STK3: variants seen among roughly 807,000 people sequenced by gnomAD.
STK3 encodes serine/threonine-protein kinase 3.
STK3 carries 41 observed loss-of-function variants against 58.0 expected under a neutral mutation model. The observed-to-expected ratio is 0.71, with a 90% CI of 0.55 to 0.92. STK3 has a LOEUF of 0.92. Ranked by LOEUF, STK3 falls within the 40% of genes least tolerant of loss-of-function variation. The pLI, the probability that STK3 is intolerant of heterozygous loss-of-function variation, is 0.00. For missense variants in STK3, 479 were observed against 602.7 expected (o/e 0.79, Z 2.15); for synonymous variants, 170 against 191.0 (o/e 0.89, Z 0.91).
downstream of STK3, among the ~76,000 whole-genome samples, chr8:98,368,232 G>C (rs950480793): frequency 3.3e-5 from 5 of 152,206 alleles, no homozygotes; most frequent in Non-Finnish European, 5.9e-5. Flanking sequence ...ATCTTCCTTT[G>C]CTGGGATCTG....
chr8:98,800,533 C>A lies in STK3; in HGVS notation c.26+24982G>T, dbSNP rs1469141348. 6.6e-6 allele frequency among the ~76,000 whole-genome samples: 1 copy of A among 152,236 alleles called. No individual in the cohort carries two copies. The highest frequency in any genetic ancestry group is 1.5e-5 in the Non-Finnish European group (1 of 68,036). On this transcript the variant is annotated intron_variant, in intron 1 of 10. Transcript: ENST00000419617. This position sits in a 1 kb window ranked among gnomAD's most constrained non-coding sequence, Gnocchi z 4.8. The stretch of plus-strand genomic sequence containing the variant: ...CTGCCGCTGCACTGTGGGAGCCCCT[C>A]TCTGGGCTGGCCAAGGCCGGAGCCG...
At chr8:98,543,767 AAC>A in intron 9 of STK3, among the ~76,000 whole-genome samples, 1 of 152,206 alleles carries the variant, frequency 6.6e-6, no homozygotes. Context: ...TGAACAGAGA[AAC>A]ACAGGCCTCC....
intron 10 of STK3, among the ~76,000 whole-genome samples, chr8:98,524,732 C>G (rs1215594450): frequency 6.6e-6 from 1 of 152,212 alleles, no homozygotes; most frequent in Non-Finnish European, 1.5e-5. Flanking sequence ...ATCATATGAC[C>G]TAGCCAATAG....
chr8:98,592,126 T>C (rs1287362275), intron 7 of STK3, among the ~76,000 whole-genome samples: 2 of 152,226 alleles, frequency 1.3e-5, no homozygotes, highest in Non-Finnish European at 2.9e-5. Flanking sequence ...CATTCTTTTC[T>C]TACATTCTCT....
chr8:98,398,152 C>T (rs781626213), downstream of STK3, among the ~76,000 whole-genome samples: 5 of 152,186 alleles, frequency 3.3e-5, no homozygotes, highest in Non-Finnish European at 7.3e-5. Flanking sequence ...CATCACGTGT[C>T]TGGGAAACTG....
chr8:98,482,201 A>G lies in STK3; in HGVS notation c.1318-26201T>C, dbSNP rs114473778. Among the ~76,000 whole-genome samples the G allele has an allele frequency of 6.4e-3, 982 of 152,358 alleles. 13 individuals carry two copies. The highest frequency in any genetic ancestry group is 0.022 in the African/African-American group (906 of 41,590). ...GCAAGTCTTGAAGATAAAACAATAT[A>G]GCATTCTTCCAGATCAGTTATATGC... On this transcript the variant is annotated intron_variant, in intron 10 of 10. Transcript: ENST00000419617.
chr8:98,649,015 C>T (rs1489009555), intron 6 of STK3, among the ~76,000 whole-genome samples: 1 of 149,856 alleles, frequency 6.7e-6, no homozygotes, highest in African/African-American at 2.5e-5. Flanking sequence ...CAAGATTGTG[C>T]ACTGCACTCC....
intron 10 of STK3, among the ~76,000 whole-genome samples, chr8:98,494,506 T>A (rs1822968670): frequency 6.6e-6 from 1 of 151,778 alleles, no homozygotes; most frequent in Non-Finnish European, 1.5e-5. Context: ...AAAATAGACA[T>A]TGGCTGGGCA....
chr8:98,757,570 G>C (rs1830367482), intron 3 of STK3, among the ~76,000 whole-genome samples: 1 of 147,832 alleles, frequency 6.8e-6, no homozygotes, highest in Non-Finnish European at 1.5e-5. Context: ...ATTCCAGCCT[G>C]GGCAACAGGG....
At chr8:98,453,960 A>G (rs990472021), downstream of STK3, among the ~76,000 whole-genome samples, 19 of 152,226 alleles carry the variant, frequency 1.2e-4, no homozygotes, top group African/African-American at 4.3e-4. Flanking sequence ...GATTTGCTGA[A>G]GCATATATTG....
At chr8:98,524,780 G>T (rs1825627591) in intron 10 of STK3, among the ~76,000 whole-genome samples, 1 of 152,306 alleles carries the variant, frequency 6.6e-6, no homozygotes, top group South Asian at 2.1e-4. Context: ...AGTAATTTTA[G>T]AGAGAGTGTT....
chr8:98,872,961 C>T (rs1381988029), intron 3 of STK3, among the ~76,000 whole-genome samples: 1 of 152,164 alleles, frequency 6.6e-6, no homozygotes, highest in Non-Finnish European at 1.5e-5. Context: ...TTCCTGCTTT[C>T]TCTTGTGGGT....
chr8:98,450,535 G>A (rs1819151705), downstream of STK3, among the ~76,000 whole-genome samples: 2 of 152,156 alleles, frequency 1.3e-5, no homozygotes, highest in African/African-American at 4.8e-5. Context: ...TTTAATTTCT[G>A]ATGCCAGGCT....
At chr8:98,482,825 C>T (rs1223652251) in intron 10 of STK3, among the ~76,000 whole-genome samples, 2 of 152,060 alleles carry the variant, frequency 1.3e-5, no homozygotes, top group African/African-American at 4.8e-5. Context: ...GAGTATTGTA[C>T]AAGCATTACA....
At chr8:98,848,750 G>A (rs1836316202) in intron 3 of STK3, among the ~76,000 whole-genome samples, 1 of 152,096 alleles carries the variant, frequency 6.6e-6, no homozygotes, top group African/African-American at 2.4e-5. Context: ...CCATTCATTA[G>A]TTGGTGGACA....
intron 4 of STK3, among the ~76,000 whole-genome samples, chr8:98,737,832 A>C (rs201228981): frequency 6.6e-6 from 1 of 152,040 alleles, no homozygotes; most frequent in Non-Finnish European, 1.5e-5. Flanking sequence ...CTCAGCCTCC[A>C]GAGTAGCTGG....
chr8:98,488,164 T>A (rs1822419229), intron 10 of STK3, among the ~76,000 whole-genome samples: 1 of 152,216 alleles, frequency 6.6e-6, no homozygotes, highest in Non-Finnish European at 1.5e-5. Flanking sequence ...TGTGAAATAC[T>A]AAAGACTGGG....
chr8:98,832,912 G>A (rs1298195662), intron 3 of STK3, among the ~76,000 whole-genome samples: 1 of 152,158 alleles, frequency 6.6e-6, no homozygotes, highest in Non-Finnish European at 1.5e-5. Context: ...TTATAAGATG[G>A]TAGGAAAAGT....
At chr8:98,907,540 C>A (rs1169928062) in intron 1 of STK3, among the ~76,000 whole-genome samples, 3 of 152,044 alleles carry the variant, frequency 2.0e-5, no homozygotes, top group African/African-American at 7.2e-5. Flanking sequence ...AAAAAAATAA[C>A]CTCAACAACT....
Sources: gnomAD v4.1 joint callset for allele counts (sites outside exome capture counted in the v4.1 genomes callset) on GRCh38, gnomAD v4.1.1 for gene constraint, Gnocchi (gnomAD v3.1) non-coding constraint, MANE v1.5 for transcripts, NCBI Gene and HGNC (gene_info 2026-07-23, HGNC 2026-07-21) for gene names.